Variants in ZNF432 observed in about 807,000 individuals in gnomAD.
ZNF432 encodes the protein zinc finger protein 432.
A neutral mutation model predicts 13.9 loss-of-function variants in ZNF432; 10 were observed. The observed-to-expected ratio is 0.72, with a 90% CI of 0.44 to 1.22. The LOEUF is 1.22. Among genes scored for constraint, ZNF432 ranks in the 50% most tolerant of loss-of-function variants. ZNF432 has a pLI of 0.00. For synonymous variants in ZNF432, 247 were observed against 256.2 expected, an observed-to-expected ratio of 0.96 and a Z score of 0.34; for missense variants, 793 against 796.2, an observed-to-expected ratio of 1.00 and a Z score of 0.05.
Position 52,033,942 on chromosome 19 carries a change from G to T in ZNF432, c.1737C>A (p.Ala579=). 1 of 1,613,692 alleles carries T rather than the reference G, an allele frequency of 6.2e-7. No individual in the cohort carries two copies. Among genetic ancestry groups the T allele is most frequent in the East Asian group, 2.2e-5 (1 of 44,862 alleles). ...TATGTAAAGCAAGCTCTGTTTCCTT[G>T]GCAAAGCCTCTTCCACATTCACTAC... The part of the protein sequence containing the change: ...CICSECGRGF[A]KETELALHKQ... Residue 579 remains alanine, a synonymous_variant, in exon 5 of 5, where the codon GCC becomes GCA. Coordinates refer to ENST00000221315, the MANE Select transcript of ZNF432 (RefSeq NM_014650.4).
In ZNF432 at chr19:52,035,386, A is replaced by G. The variant is rs202185728; in HGVS notation, c.293T>C (p.Leu98Pro). The part of the protein sequence containing the change: ...LQDHLENQRM[L>P]KSVEQYHEHN... ...TTCATGGTATTGTTCCACACTCTTCAGCATCCTTTGATTTTCCAAGTGATC... is the reference window on the plus strand; with the variant it reads ...TTCATGGTATTGTTCCACACTCTTCGGCATCCTTTGATTTTCCAAGTGATC... The change falls in exon 5 of 5, where the codon CTG becomes CCG. Residue 98 changes from leucine to proline, a missense_variant. Physicochemically the swap from Leu to Pro is moderately conservative, Grantham distance 98. Transcript: ENST00000221315. 1 of 1,577,492 alleles carries G rather than the reference A, an allele frequency of 6.3e-7. No individual in the cohort carries two copies. The highest frequency in any genetic ancestry group is 1.2e-5 in the South Asian group (1 of 84,104).
rs756414491 is a variant in ZNF432, at chr19:52,034,767, G to A, written c.912C>T (p.Leu304=). 1.9e-6 allele frequency: 3 copies of A among 1,611,098 alleles called. No individual in the cohort carries two copies. The highest frequency in any genetic ancestry group is 3.4e-5 in the Admixed American group (2 of 59,606). The part of the protein sequence containing the change: ...CGKGFPGKRN[L]IVHQRNHTGE... ...CAGTATGATTTCGCTGATGTACAAT[G>A]AGATTACGCTTGCCTGGGAAGCCTT... is the stretch of plus-strand genomic sequence containing the variant. The change falls in exon 5 of 5, where the codon CTC becomes CTT. Residue 304 remains leucine (L), a synonymous_variant. Transcript: ENST00000221315.
Position 52,034,528 on chromosome 19 carries a change from A to C in ZNF432, c.1151T>G (p.Met384Arg), listed in dbSNP as rs2123143857. The C allele has an allele frequency of 6.2e-7, 1 of 1,613,420 alleles. No homozygotes were observed. Among genetic ancestry groups the C allele is most frequent in the Middle Eastern group, 1.7e-4 (1 of 6,060 alleles). The change falls in exon 5 of 5, where the codon ATG (methionine) becomes AGG (arginine). Residue 384 changes from methionine (M) to arginine (R), a missense_variant. Physicochemically the swap from Met to Arg is moderately conservative, Grantham distance 91. Transcript: ENST00000221315. Reference sequence around the variant, plus strand: ...TTGATGTTCGATCATACGGCTCTTCATGGTGAAGCCTTTCCCACATTCATT... The same window carrying C: ...TTGATGTTCGATCATACGGCTCTTCCTGGTGAAGCCTTTCCCACATTCATT... ...ICNECGKGFTMKSRMIEHQRT... is the reference protein window; with the variant it reads ...ICNECGKGFTRKSRMIEHQRT...
At position 52,040,483 on chromosome 19, in the gene ZNF432, C is replaced by A. The variant is rs768804338; in HGVS notation, c.238+5G>T. 1 of 1,613,674 alleles carries A rather than the reference C, an allele frequency of 6.2e-7. No individual in the cohort carries two copies. Among genetic ancestry groups the A allele is most frequent in the Non-Finnish European group, 8.5e-7 (1 of 1,179,586 alleles). Reference sequence around the variant, plus strand: ...TACTTACGCATCTTGCTGCTTCTCACATACCTGGACAGATTCGACTGTGCC... The same window carrying A: ...TACTTACGCATCTTGCTGCTTCTCAAATACCTGGACAGATTCGACTGTGCC... On this transcript the variant is annotated splice_donor_5th_base_variant and intron_variant, in intron 4 of 4. Coordinates refer to ENST00000221315, the MANE Select transcript of ZNF432 (RefSeq NM_014650.4).
At chr19:52,041,634 AG>A (rs1157870199) in intron 2 of ZNF432, 28 bp from the exon 3 acceptor site, 1 of 1,613,764 alleles carries the variant, frequency 6.2e-7, no homozygotes, top group African/African-American at 1.3e-5. Flanking sequence ...CTTGCTTAAT[AG>A]GAAGTGTTTC....
chr19:52,043,543 G>A (rs1486657147), intron 2 of ZNF432, among the ~76,000 whole-genome samples: 4 of 151,974 alleles, frequency 2.6e-5, no homozygotes, highest in East Asian at 1.9e-4. Flanking sequence ...CCCCCAGCCC[G>A]ACACCCGTAA....
At position 52,040,521 on chromosome 19, in the gene ZNF432, T is replaced by G; in HGVS notation, c.205A>C (p.Met69Leu). 1 of 1,614,196 alleles carries G rather than the reference T, an allele frequency of 6.2e-7. No homozygotes were observed. The highest frequency in any genetic ancestry group is 8.5e-7 in the Non-Finnish European group (1 of 1,180,022). The change falls in exon 4 of 5, where the codon ATG becomes CTG. Residue 69 changes from methionine to leucine, a missense_variant. Coordinates refer to ENST00000221315, the MANE Select transcript of ZNF432 (RefSeq NM_014650.4). ...KLERGEEPWT[M>L]EDERHSRICP... ...ATTCGACTGTGCCTTTCATCTTCCATTGTCCATGGTTCTTCTCCTCGTTCC... is the reference window on the plus strand; with the variant it reads ...ATTCGACTGTGCCTTTCATCTTCCAGTGTCCATGGTTCTTCTCCTCGTTCC...
intron 4 of ZNF432, among the ~76,000 whole-genome samples, chr19:52,038,211 T>TCA (rs1368196569): frequency 6.6e-6 from 1 of 152,228 alleles, no homozygotes; most frequent in East Asian, 1.9e-4. Flanking sequence ...GCAGCTTCTA[T>TCA]CACTGACCTG....
At chr19:52,044,406 A>G (rs954219235) in intron 2 of ZNF432, among the ~76,000 whole-genome samples, 8 of 146,074 alleles carry the variant, frequency 5.5e-5, no homozygotes, top group Non-Finnish European at 1.2e-4. Context: ...ATTTTATGAG[A>G]AAAAAAATTT....
At position 52,032,438 on chromosome 19, in the gene ZNF432, T is replaced by G. The variant is rs978288907; in HGVS notation, c.*1282A>C. The G allele has an allele frequency of 1.2e-4, 17 of 144,714 alleles. No individual in the cohort carries two copies. The highest frequency in any genetic ancestry group is 1.7e-4 in the Non-Finnish European group (11 of 64,444). 9.0% of individuals were successfully genotyped at this position (144,714 alleles called of 1,614,324 possible). A position where few individuals can be genotyped will look rare whatever the true frequency, so the allele number is the denominator to read the frequency against. On this transcript the variant is annotated 3_prime_UTR_variant, in exon 5 of 5. Transcript: ENST00000221315. ...TTTGTGACAGTCCTCAAATATGGTT[T>G]TTTTTTTTTTTTTTTGAGGCAGAGT...
rs151049972 is a variant in ZNF432, at chr19:52,039,600, G to A, written c.238+888C>T. ...TGTAATCCCAGCACTTTGGGAGGCC[G>A]AGGCAGGTGGGTCACGAGGTCAGGA... On this transcript the variant is annotated intron_variant, in intron 4 of 4. Coordinates refer to ENST00000221315, the MANE Select transcript of ZNF432 (RefSeq NM_014650.4). 2.6e-3 allele frequency among the ~76,000 whole-genome samples: 395 copies of A among 152,180 alleles called. 1 individual carries two copies. Among genetic ancestry groups the A allele is most frequent in the African/African-American group, 9.0e-3 (372 of 41,516 alleles).
rs367791997 is a variant in ZNF432 at position 52,034,670 on chromosome 19, G to A, written c.1009C>T (p.Arg337Ter). The A allele has an allele frequency of 1.8e-5, 29 of 1,613,356 alleles. No homozygotes were observed. The highest frequency in any genetic ancestry group is 3.3e-4 in the Middle Eastern group (2 of 6,078). ...TGKSMLIIHQ[R>*]THTGEKPYIC... ...TAGGGCTTCTCTCCTGTATGAGTTC[G>A]CTGATGTATAATAAGCATGCTCTTC... Residue 337 changes from arginine to a stop codon, truncating the protein, a stop_gained, in exon 5 of 5, where the codon CGA (arginine) becomes TGA (stop). Coordinates refer to ENST00000221315, the MANE Select transcript of ZNF432 (RefSeq NM_014650.4). LOFTEE classifies it low-confidence loss of function (END_TRUNC).
rs138180725 is a variant in ZNF432 at position 52,045,540 on chromosome 19, G to A, written c.15+1314C>T. ...CCCAGTTAATTTTGTGTTTTTAGTA[G>A]AGATACGGTTTCTCCATGTTGGTCA... On this transcript the variant is annotated intron_variant, in intron 2 of 4. Coordinates refer to ENST00000221315, the MANE Select transcript of ZNF432 (RefSeq NM_014650.4). 7.0e-3 allele frequency among the ~76,000 whole-genome samples: 1,064 copies of A among 151,082 alleles called. 13 individuals carry two copies. The highest frequency in any genetic ancestry group is 0.025 in the African/African-American group (1,024 of 41,306).
At chr19:52,042,809 A>C (rs2087148048) in intron 2 of ZNF432, among the ~76,000 whole-genome samples, 1 of 152,228 alleles carries the variant, frequency 6.6e-6, no homozygotes, top group Non-Finnish European at 1.5e-5. Context: ...TCAGACTGAA[A>C]CTATTGAACA....
In ZNF432 at chr19:52,033,804, A is replaced by T; in HGVS notation, c.1875T>A (p.Phe625Leu). ...HQRTHTGEKPFVCSECRKAFS... is the reference protein window; with the variant it reads ...HQRTHTGEKPLVCSECRKAFS... ...AGGCTTTTCTACATTCACTGCATAC[A>T]AAGGGTTTCTCTCCTGTATGAGTTC... is the stretch of plus-strand genomic sequence containing the variant. The change falls in exon 5 of 5, where the codon TTT becomes TTA. Residue 625 changes from phenylalanine (F) to leucine (L), a missense_variant. By Grantham distance (22) the Phe-to-Leu change is conservative. Coordinates refer to ENST00000221315, the MANE Select transcript of ZNF432 (RefSeq NM_014650.4). The T allele has an allele frequency of 6.2e-7, 1 of 1,613,398 alleles. No individual in the cohort carries two copies. Among genetic ancestry groups the T allele is most frequent in the Non-Finnish European group, 8.5e-7 (1 of 1,179,862 alleles).
chr19:52,042,966 T>C (rs894500442), intron 2 of ZNF432, among the ~76,000 whole-genome samples: 6 of 152,220 alleles, frequency 3.9e-5, no homozygotes, highest in Non-Finnish European at 8.8e-5. Flanking sequence ...TTCAATGTCC[T>C]GATTCTGTGG....
At position 52,040,521 on chromosome 19, in the gene ZNF432, T is replaced by C. The variant is rs749001976; in HGVS notation, c.205A>G (p.Met69Val). ...ATTCGACTGTGCCTTTCATCTTCCA[T>C]TGTCCATGGTTCTTCTCCTCGTTCC... ...KLERGEEPWTMEDERHSRICP... is the reference protein window; with the variant it reads ...KLERGEEPWTVEDERHSRICP... The change falls in exon 4 of 5, where the codon ATG becomes GTG. Residue 69 changes from methionine (M) to valine (V), a missense_variant. Physicochemically the swap from Met to Val is conservative, Grantham distance 21. Coordinates refer to ENST00000221315, the MANE Select transcript of ZNF432 (RefSeq NM_014650.4). 2.3e-5 allele frequency: 37 copies of C among 1,614,076 alleles called. No individual in the cohort carries two copies. Among genetic ancestry groups the C allele is most frequent in the South Asian group, 2.0e-4 (18 of 91,086 alleles).
rs547829755 is a variant in ZNF432, at chr19:52,032,696, A to G, written c.*1024T>C. ...AGTGATCCACCCACCTTGGCCTCCC[A>G]AAGTGCTGGGATTACAGGTGCAAGC... On this transcript the variant is annotated 3_prime_UTR_variant, in exon 5 of 5. Transcript: ENST00000221315. 1 of 152,250 alleles carries G rather than the reference A, an allele frequency of 6.6e-6. No individual in the cohort carries two copies. Among genetic ancestry groups the G allele is most frequent in the South Asian group, 2.1e-4 (1 of 4,820 alleles). The allele number at this position is 152,250 out of a possible 1,614,324, so 9.4% of individuals were successfully genotyped here. A position where few individuals can be genotyped will look rare whatever the true frequency, so the allele number is the denominator to read the frequency against.
At chr19:52,047,839 C>G (rs1695695713) in intron 1 of ZNF432, among the ~76,000 whole-genome samples, 1 of 151,904 alleles carries the variant, frequency 6.6e-6, no homozygotes, top group South Asian at 2.1e-4. Context: ...TACTAACATA[C>G]AAAACCTGAA....
Sources: gnomAD v4.1 joint callset for allele counts (sites outside exome capture counted in the v4.1 genomes callset) on GRCh38, gnomAD v4.1.1 for gene constraint, MANE v1.5 for transcripts, NCBI Gene and HGNC (gene_info 2026-07-23, HGNC 2026-07-21) for gene names.